The following GSN variants were observed in gnomAD, a reference collection of about 807,000 sequenced individuals.
The protein encoded by GSN is actin-depolymerizing factor.
A neutral mutation model predicts 85.7 loss-of-function variants in GSN; 56 were observed. The ratio of observed to expected loss-of-function variants is 0.65; its 90% confidence interval spans 0.53 to 0.82. GSN has a LOEUF of 0.82. Ranked by LOEUF, GSN falls within the 40% of genes least tolerant of loss-of-function variation. The probability of loss-of-function intolerance (pLI) is 0.00; values close to 1 mark genes in which losing one functional copy is unlikely to be tolerated. For missense variants in GSN, 857 were observed against 979.8 expected, an observed-to-expected ratio of 0.87 and a Z score of 1.67; for synonymous variants, 373 against 399.1, an observed-to-expected ratio of 0.93 and a Z score of 0.78.
At chr9:121,322,516 A>G (rs996299295) in intron 11 of GSN, among the ~76,000 whole-genome samples, 1 of 152,236 alleles carries the variant, frequency 6.6e-6, no homozygotes, top group South Asian at 2.1e-4. Context: ...CCTTAAACAA[A>G]CATCACTTTG....
Position 121,326,610 on chromosome 9 carries a change from G to A in GSN, c.1515G>A (p.Gly505=), listed in dbSNP as rs764432229. The A allele has an allele frequency of 6.2e-7, 1 of 1,607,410 alleles. No homozygotes were observed. The highest frequency in any genetic ancestry group is 1.7e-5 in the Admixed American group (1 of 59,280). ...AGGGCGGCACCTCCCGCGAGGGCGG[G>A]CAGACAGCCCCTGCCAGCACCCGCC... ...IYKGGTSREG[G]QTAPASTRLF... is the part of the protein sequence containing the mutation. The change falls in exon 13 of 18, where the codon GGG becomes GGA. Residue 505 remains glycine, a synonymous_variant. Transcript: ENST00000432226.
At chr9:121,323,054 C>T (rs373464323) in intron 11 of GSN, among the ~76,000 whole-genome samples, 5 of 152,166 alleles carry the variant, frequency 3.3e-5, no homozygotes, top group East Asian at 1.9e-4. Context: ...AGGCTGGTCT[C>T]GAACTCCTCT....
intron 5 of GSN, among the ~76,000 whole-genome samples, chr9:121,231,646 A>G (rs1325974427): frequency 6.6e-6 from 1 of 152,188 alleles, no homozygotes; most frequent in South Asian, 2.1e-4. Context: ...AGTGCTGCAA[A>G]TTTTCAACAG....
chr9:121,236,553 C>T (rs1164726882), intron 5 of GSN, among the ~76,000 whole-genome samples: 1 of 152,066 alleles, frequency 6.6e-6, no homozygotes, highest in African/African-American at 2.4e-5. Context: ...ACATTTTCTA[C>T]ATTAAAATTA....
At chr9:121,236,886 A>G (rs886915047) in intron 5 of GSN, among the ~76,000 whole-genome samples, 1 of 152,256 alleles carries the variant, frequency 6.6e-6, no homozygotes, top group Non-Finnish European at 1.5e-5. Context: ...TAAAATATCC[A>G]CAAACATGAG....
chr9:121,289,518 G>A (rs909637485), intron 2 of GSN, among the ~76,000 whole-genome samples: 1 of 152,250 alleles, frequency 6.6e-6, no homozygotes, highest in African/African-American at 2.4e-5. Flanking sequence ...GGTTGAGGAA[G>A]TAGATTGCTA....
chr9:121,202,848 C>A (rs898549705), upstream of GSN, among the ~76,000 whole-genome samples: 4 of 152,156 alleles, frequency 2.6e-5, no homozygotes, highest in Non-Finnish European at 4.4e-5. Flanking sequence ...GTAAGCCGGC[C>A]GGGCGCGGTG....
In GSN at chr9:121,329,291, C is replaced by A; in HGVS notation, c.1941C>A (p.Val647=). 1.2e-6 allele frequency: 2 copies of A among 1,609,950 alleles called. No homozygotes were observed. The highest frequency in any genetic ancestry group is 1.7e-6 in the Non-Finnish European group (2 of 1,176,212). The stretch of plus-strand genomic sequence containing the variant: ...AGGAAGACCTGGCAACGGATGACGT[C>A]ATGCTTCTGGACACCTGGGACCAGG... ...LMQEDLATDD[V]MLLDTWDQVF... The change falls in exon 16 of 18, where the codon GTC becomes GTA. Residue 647 remains valine, a synonymous_variant. Transcript: ENST00000432226. This position sits in a 1 kb window ranked among gnomAD's most constrained non-coding sequence, Gnocchi z 4.6.
At chr9:121,292,076 G>A (rs915880764) in intron 2 of GSN, among the ~76,000 whole-genome samples, 2 of 152,006 alleles carry the variant, frequency 1.3e-5, no homozygotes, top group African/African-American at 4.8e-5. Context: ...TTTTAATTTT[G>A]TGTAGAGACA....
chr9:121,213,873 C>G (rs2054009899), intron 4 of GSN, among the ~76,000 whole-genome samples: 1 of 152,104 alleles, frequency 6.6e-6, no homozygotes, highest in African/African-American at 2.4e-5. Context: ...GAGCATTCAT[C>G]AATGAATGAA....
At chr9:121,257,374 A>G (rs1051095236) in intron 6 of GSN, among the ~76,000 whole-genome samples, 18 of 152,246 alleles carry the variant, frequency 1.2e-4, no homozygotes, top group Non-Finnish European at 2.2e-4. Flanking sequence ...TCCAGTTTGC[A>G]AATGAGAAAA....
At chr9:121,289,456 T>TGAGCACGTCTGC (rs1370897941) in intron 2 of GSN, among the ~76,000 whole-genome samples, 1 of 152,182 alleles carries the variant, frequency 6.6e-6, no homozygotes, top group Non-Finnish European at 1.5e-5. Flanking sequence ...GTGCTGGCTG[T>TGAGCACGTCTGC]GAGCACGTCT....
At chr9:121,203,850 G>T (rs1190835046), upstream of GSN, among the ~76,000 whole-genome samples, 2 of 152,196 alleles carry the variant, frequency 1.3e-5, no homozygotes, top group East Asian at 1.9e-4. Flanking sequence ...AAATGGAAAT[G>T]ATTATTACAT....
intron 4 of GSN, among the ~76,000 whole-genome samples, chr9:121,226,161 C>T (rs2132131053): frequency 6.6e-6 from 1 of 152,326 alleles, no homozygotes; most frequent in East Asian, 1.9e-4. Flanking sequence ...ATTGCCTTCT[C>T]TGGGAGCTCA....
intron 4 of GSN, among the ~76,000 whole-genome samples, chr9:121,220,859 G>C (rs2054156957): frequency 6.6e-6 from 1 of 152,184 alleles, no homozygotes; most frequent in African/African-American, 2.4e-5. Context: ...TTATGGAAAT[G>C]AAGTTGATTT....
intron 8 of GSN, 60 bp downstream of exon 8, chr9:121,317,278 C>T: frequency 1.9e-6 from 3 of 1,577,750 alleles, no homozygotes; most frequent in Non-Finnish European, 1.7e-6. Flanking sequence ...GGATGTTCTG[C>T]AGCTCCCAGG....
At chr9:121,285,639 G>GGCCA (rs1457221438) in intron 2 of GSN, 2 of 155,116 alleles carry the variant, frequency 1.3e-5, no homozygotes, top group African/African-American at 4.8e-5. Context: ...GCTCATCCAA[G>GGCCA]GCCACTCAGC....
At position 121,261,150 on chromosome 9, in the gene GSN, C is replaced by T. The variant is rs1237032313; in HGVS notation, c.-340-4004C>T. ...CTGCCCCCTCCCATCCCACTGGTGG[C>T]CTGCGGGGACAGCTGAATGCCTTCT... is the stretch of plus-strand genomic sequence containing the variant. On this transcript the variant is annotated intron_variant, in intron 6 of 24. Coordinates refer to the GSN transcript ENST00000373823. The surrounding 1 kb of genome is among the most constrained non-coding windows in gnomAD (Gnocchi z 4.1). 6.6e-6 allele frequency among the ~76,000 whole-genome samples: 1 copy of T among 152,236 alleles called. No homozygotes were observed. Among genetic ancestry groups the T allele is most frequent in the Non-Finnish European group, 1.5e-5 (1 of 68,036 alleles).
intron 2 of GSN, among the ~76,000 whole-genome samples, chr9:121,288,991 A>G (rs1213639708): frequency 6.6e-6 from 1 of 152,094 alleles, no homozygotes; most frequent in Non-Finnish European, 1.5e-5. Context: ...GACAAACTCT[A>G]TGATGCAGAG....
Sources: gnomAD v4.1 joint callset for allele counts (sites outside exome capture counted in the v4.1 genomes callset) on GRCh38, gnomAD v4.1.1 for gene constraint, Gnocchi (gnomAD v3.1) non-coding constraint, MANE v1.5 for transcripts, NCBI Gene and HGNC (gene_info 2026-07-23, HGNC 2026-07-21) for gene names.